Variants in VOPP1 observed in about 807,000 individuals in gnomAD.
VOPP1 encodes WW domain binding protein VOPP1.
A neutral mutation model predicts 23.5 loss-of-function variants in VOPP1; 8 were observed. That is an observed-to-expected ratio of 0.34 (90% CI 0.20 to 0.61). VOPP1 has a LOEUF of 0.61. Ranked by LOEUF, VOPP1 falls within the 20% of genes least tolerant of loss-of-function variation. VOPP1 has a pLI of 0.78. For missense variants in VOPP1, 174 were observed against 238.1 expected (o/e 0.73, Z 1.77); for synonymous variants, 83 against 97.3 (o/e 0.85, Z 0.86).
intron 2 of VOPP1, among the ~76,000 whole-genome samples, chr7:55,518,299 C>T (rs985729465): frequency 6.6e-6 from 1 of 152,194 alleles, no homozygotes; most frequent in Non-Finnish European, 1.5e-5. Flanking sequence ...TGCTACTGCA[C>T]GGGTCACTTT....
At position 55,545,830 on chromosome 7, in the gene VOPP1, A is replaced by C. The variant is rs563437492; in HGVS notation, c.55-24700T>G. Among the ~76,000 whole-genome samples the C allele has an allele frequency of 2.5e-4, 38 of 152,260 alleles. No individual in the cohort carries two copies. The Middle Eastern group carries it at 0.02, about 82-fold the overall frequency. The stretch of plus-strand genomic sequence containing the variant: ...CAGTGACTCACACCAGCACTCTGGG[A>C]GGCTGAGGTAGGCGGATCCCTTGAG... On this transcript the variant is annotated intron_variant, in intron 1 of 4. Coordinates refer to ENST00000285279, the MANE Select transcript of VOPP1 (RefSeq NM_030796.5).
chr7:55,537,504 A>G, intron 1 of VOPP1: 1 of 1,536,148 alleles, frequency 6.5e-7, no homozygotes, highest in Non-Finnish European at 8.7e-7. Flanking sequence ...CAAGCACCTG[A>G]GCATGTGAGC....
chr7:55,440,986 G>T (rs1029293442), intron 4 of VOPP1, among the ~76,000 whole-genome samples: 1 of 152,196 alleles, frequency 6.6e-6, no homozygotes, highest in Admixed American at 6.5e-5. Context: ...CTGCTTTTCT[G>T]AAATTTTCTC....
intron 1 of VOPP1, among the ~76,000 whole-genome samples, chr7:55,567,923 G>C (rs1239264633): frequency 6.6e-6 from 1 of 152,128 alleles, no homozygotes; most frequent in Non-Finnish European, 1.5e-5. Flanking sequence ...CATTTGGCAA[G>C]AGACAAAAAA....
At chr7:55,521,724 C>T (rs959984339) in intron 1 of VOPP1, 23 of 986,962 alleles carry the variant, frequency 2.3e-5, no homozygotes, top group Non-Finnish European at 2.8e-5. Flanking sequence ...CAGGGCCCAG[C>T]CCCACAGGGC....
chr7:55,467,658 T>A (rs1260107353), downstream of VOPP1, among the ~76,000 whole-genome samples: 2 of 152,244 alleles, frequency 1.3e-5, no homozygotes, highest in Admixed American at 6.5e-5. Flanking sequence ...AGCATTCAAT[T>A]TGCATCTCAA....
At chr7:55,458,063 T>A (rs1791412144) in intron 4 of VOPP1, among the ~76,000 whole-genome samples, 1 of 152,174 alleles carries the variant, frequency 6.6e-6, no homozygotes, top group Non-Finnish European at 1.5e-5. Context: ...TAATTTCAGG[T>A]CTTATATTTA....
intron 1 of VOPP1, among the ~76,000 whole-genome samples, chr7:55,553,149 A>G (rs935749708): frequency 4.6e-5 from 7 of 152,374 alleles, no homozygotes; most frequent in African/African-American, 1.7e-4. Flanking sequence ...CAAGTTAATT[A>G]TATCTCATAA....
intron 4 of VOPP1, among the ~76,000 whole-genome samples, chr7:55,463,572 G>C (rs1289995179): frequency 6.6e-6 from 1 of 152,204 alleles, no homozygotes; most frequent in Non-Finnish European, 1.5e-5. Flanking sequence ...GTTCCTCAGT[G>C]GATTGGCTGT....
downstream of VOPP1, among the ~76,000 whole-genome samples, chr7:55,469,191 G>A (rs763142303): frequency 2.6e-5 from 4 of 152,134 alleles, no homozygotes; most frequent in Non-Finnish European, 4.4e-5. Flanking sequence ...ACCCTTGGAC[G>A]ATTGTCGGGA....
intron 1 of VOPP1, chr7:55,537,760 C>T: frequency 1.5e-6 from 2 of 1,356,572 alleles, no homozygotes; most frequent in Non-Finnish European, 9.5e-7. Flanking sequence ...GCAGGTCCGG[C>T]CCCCAGGCCC....
intron 2 of VOPP1, among the ~76,000 whole-genome samples, chr7:55,516,334 T>C (rs898810658): frequency 2.0e-5 from 3 of 152,212 alleles, no homozygotes; most frequent in Non-Finnish European, 4.4e-5. Flanking sequence ...TTTATACATG[T>C]AATACACAGT....
intron 1 of VOPP1, chr7:55,537,451 A>G: frequency 1.3e-6 from 2 of 1,535,460 alleles, no homozygotes; most frequent in Non-Finnish European, 1.7e-6. Flanking sequence ...CTGAAGCCCA[A>G]ACTCTGGGCC....
rs565059004 is a variant in VOPP1 at position 55,520,690 on chromosome 7, G to A, written c.113+382C>T. 2.7e-3 allele frequency among the ~76,000 whole-genome samples: 418 copies of A among 152,304 alleles called. 3 individuals carry two copies. The highest frequency in any genetic ancestry group is 9.5e-3 in the African/African-American group (394 of 41,564). On this transcript the variant is annotated intron_variant, in intron 2 of 4. Transcript: ENST00000285279. Reference sequence around the variant, plus strand: ...ACACACACACTGTCACAGTGGCTCCGCTGAGGACTGTTTCTTGTCCTGCTC... The same window carrying A: ...ACACACACACTGTCACAGTGGCTCCACTGAGGACTGTTTCTTGTCCTGCTC...
downstream of VOPP1, among the ~76,000 whole-genome samples, chr7:55,469,381 C>T (rs1178364554): frequency 6.6e-6 from 1 of 152,116 alleles, no homozygotes; most frequent in Non-Finnish European, 1.5e-5. Context: ...AAGCTGTTTA[C>T]ATCAGTGGGG....
intron 1 of VOPP1, among the ~76,000 whole-genome samples, chr7:55,566,639 T>C (rs1798172982): frequency 6.6e-6 from 1 of 152,222 alleles, no homozygotes; most frequent in African/African-American, 2.4e-5. Flanking sequence ...CAATTTGATA[T>C]TTGTTTTTCC....
intron 4 of VOPP1, among the ~76,000 whole-genome samples, chr7:55,483,005 C>T (rs1337773974): frequency 6.6e-6 from 1 of 152,116 alleles, no homozygotes; most frequent in African/African-American, 2.4e-5. Flanking sequence ...AAGCATCTGC[C>T]AGAAATTAGA....
At chr7:55,511,870 G>C (rs946372717) in intron 2 of VOPP1, among the ~76,000 whole-genome samples, 4 of 152,224 alleles carry the variant, frequency 2.6e-5, no homozygotes, top group Non-Finnish European at 5.9e-5. Flanking sequence ...TCCTGGGGTT[G>C]TGACACTGGT....
chr7:55,493,319 T>C (rs1384507810), intron 3 of VOPP1: 1 of 152,264 alleles, frequency 6.6e-6, no homozygotes, highest in Non-Finnish European at 1.5e-5. Context: ...CCCATGGAAC[T>C]GTCCAGAAGC....
Sources: gnomAD v4.1 joint callset for allele counts (sites outside exome capture counted in the v4.1 genomes callset) on GRCh38, gnomAD v4.1.1 for gene constraint, MANE v1.5 for transcripts, NCBI Gene and HGNC (gene_info 2026-07-23, HGNC 2026-07-21) for gene names.